PTCHD4: variants seen among roughly 807,000 people sequenced by gnomAD.
PTCHD4 encodes the protein patched domain-containing protein 4.
PTCHD4 carries 33 observed loss-of-function variants against 58.1 expected under a neutral mutation model. That is an observed-to-expected ratio of 0.57 (90% CI 0.43 to 0.76). PTCHD4 has a LOEUF of 0.76. Among genes scored for constraint, PTCHD4 ranks in the 30% least tolerant of loss-of-function variants. The probability of loss-of-function intolerance (pLI) is 0.00; values close to 1 mark genes in which losing one functional copy is unlikely to be tolerated. For synonymous variants in PTCHD4, 478 were observed against 409.6 expected (o/e 1.17, Z -2.02); for missense variants, 1,058 against 1,027.1 (o/e 1.03, Z -0.41).
rs113018727 is a variant in PTCHD4 at position 48,016,330 on chromosome 6, A to G, written c.418-7216T>C. 7.9e-5 allele frequency among the ~76,000 whole-genome samples: 12 copies of G among 152,140 alleles called. 1 individual carries two copies. The highest frequency in any genetic ancestry group is 2.7e-4 in the African/African-American group (11 of 41,408). ...AGGAGTTGGACTTAATTATCCTTCA[A>G]TACAAATCCATTGATGAGTTTTAAG... On this transcript the variant is annotated intron_variant, in intron 3 of 4. Coordinates refer to ENST00000339488, the MANE Select transcript of PTCHD4 (RefSeq NM_001384253.1).
intron 3 of PTCHD4, among the ~76,000 whole-genome samples, chr6:48,060,970 A>C (rs190287070): frequency 6.6e-6 from 1 of 152,202 alleles, no homozygotes; most frequent in Non-Finnish European, 1.5e-5. Context: ...AGAAAATGAG[A>C]CTTGATTTCA....
At position 47,987,562 on chromosome 6, in the gene PTCHD4, A is replaced by G. The variant is rs1768116240; in HGVS notation, c.898+21072T>C. Reference sequence around the variant, plus strand: ...TAAATGCTTGATAAAAAATAAACACATAGATACACTAAAGGGCCATTTCTG... The same window carrying G: ...TAAATGCTTGATAAAAAATAAACACGTAGATACACTAAAGGGCCATTTCTG... On this transcript the variant is annotated intron_variant, in intron 4 of 4. Transcript: ENST00000339488. 2.6e-5 allele frequency among the ~76,000 whole-genome samples: 4 copies of G among 152,098 alleles called. No homozygotes were observed. In the South Asian group the frequency reaches 6.2e-4, roughly 24 times the overall value.
At chr6:48,096,971 T>C (rs1199522433) in intron 1 of PTCHD4, among the ~76,000 whole-genome samples, 2 of 152,190 alleles carry the variant, frequency 1.3e-5, no homozygotes, top group African/African-American at 4.8e-5. Flanking sequence ...AAAATGACCA[T>C]AATTTTATTT....
chr6:47,985,692 G>C (rs1768041448), intron 4 of PTCHD4, among the ~76,000 whole-genome samples: 1 of 150,790 alleles, frequency 6.6e-6, no homozygotes, highest in Admixed American at 6.6e-5. Context: ...ATTTTTCACT[G>C]TTCATTTAAG....
intron 4 of PTCHD4, among the ~76,000 whole-genome samples, chr6:47,932,978 A>G (rs558959501): frequency 6.6e-6 from 1 of 152,370 alleles, no homozygotes; most frequent in African/African-American, 2.4e-5. Flanking sequence ...AAGAGAGTAT[A>G]GAATATCTAG....
In PTCHD4 at chr6:47,865,477, G is replaced by A. The variant is rs1241082026; in HGVS notation, c.*12826C>T. 6.6e-6 allele frequency among the ~76,000 whole-genome samples: 1 copy of A among 151,882 alleles called. No homozygotes were observed. Among genetic ancestry groups the A allele is most frequent in the Non-Finnish European group, 1.5e-5 (1 of 67,898 alleles). On this transcript the variant is annotated 3_prime_UTR_variant, in exon 5 of 5. Transcript: ENST00000339488. ...TTAAACTATACATTAGAGTATTGTA[G>A]TAAATAGATCACACAGAGCTAATAA...
chr6:48,078,512 C>A (rs951678254), intron 1 of PTCHD4, among the ~76,000 whole-genome samples: 1 of 152,152 alleles, frequency 6.6e-6, no homozygotes, highest in African/African-American at 2.4e-5. Context: ...AATTTTTAGT[C>A]ATTTAAATAA....
rs1763621020 is a variant in PTCHD4 at position 47,868,168 on chromosome 6, T to C, written c.*10135A>G. 2.0e-5 allele frequency among the ~76,000 whole-genome samples: 3 copies of C among 151,724 alleles called. No individual in the cohort carries two copies. The South Asian group carries it at 6.2e-4, about 31-fold the overall frequency. On this transcript the variant is annotated 3_prime_UTR_variant, in exon 5 of 5. Coordinates refer to ENST00000339488, the MANE Select transcript of PTCHD4 (RefSeq NM_001384253.1). The stretch of plus-strand genomic sequence containing the variant: ...CTTCTTCAACAGTTTTAGATCCGTT[T>C]TAAAATTTTTTCTCACTTTACCTTT...
At chr6:48,062,686 T>C (rs1284851888) in intron 3 of PTCHD4, among the ~76,000 whole-genome samples, 1 of 151,976 alleles carries the variant, frequency 6.6e-6, no homozygotes, top group Non-Finnish European at 1.5e-5. Context: ...CCAGGAAAAA[T>C]ATGTACAATA....
At chr6:47,924,720 C>T (rs923424348) in intron 4 of PTCHD4, among the ~76,000 whole-genome samples, 2 of 152,104 alleles carry the variant, frequency 1.3e-5, no homozygotes, top group African/African-American at 2.4e-5. Flanking sequence ...AGACTTTGTT[C>T]AAAACCAGTT....
At chr6:47,923,323 T>C (rs1396010130) in intron 4 of PTCHD4, among the ~76,000 whole-genome samples, 1 of 152,172 alleles carries the variant, frequency 6.6e-6, no homozygotes, top group Non-Finnish European at 1.5e-5. Flanking sequence ...TGGAAGTATA[T>C]TATATACTAT....
chr6:48,027,375 A>C (rs1763285473), intron 3 of PTCHD4, among the ~76,000 whole-genome samples: 1 of 152,108 alleles, frequency 6.6e-6, no homozygotes, highest in South Asian at 2.1e-4. Flanking sequence ...ACATCTTTTA[A>C]ATTGTCAGTA....
intron 1 of PTCHD4, among the ~76,000 whole-genome samples, chr6:48,097,139 C>T (rs1412937354): frequency 6.6e-6 from 1 of 151,936 alleles, no homozygotes; most frequent in Non-Finnish European, 1.5e-5. Flanking sequence ...CTAAATTTAG[C>T]TTCCACTTAG....
At chr6:47,976,372 T>C (rs1348347939) in intron 4 of PTCHD4, among the ~76,000 whole-genome samples, 1 of 152,108 alleles carries the variant, frequency 6.6e-6, no homozygotes, top group Non-Finnish European at 1.5e-5. Context: ...ATATAATTAC[T>C]GGCCAGGCGC....
intron 3 of PTCHD4, among the ~76,000 whole-genome samples, chr6:48,013,603 T>G (rs915656858): frequency 2.0e-5 from 3 of 152,002 alleles, no homozygotes; most frequent in African/African-American, 7.2e-5. Flanking sequence ...AAATTTCTGC[T>G]CTTTAAGTTG....
At chr6:48,082,226 AG>A (rs1765181099) in intron 1 of PTCHD4, among the ~76,000 whole-genome samples, 1 of 152,196 alleles carries the variant, frequency 6.6e-6, no homozygotes, top group Non-Finnish European at 1.5e-5. Context: ...TGAATGAAGA[AG>A]GAAGACATCA....
Position 47,879,658 on chromosome 6 carries a change from G to T in PTCHD4, c.1177C>A (p.Leu393Ile). The T allele has an allele frequency of 1.9e-6, 3 of 1,613,600 alleles. No individual in the cohort carries two copies. Among genetic ancestry groups the T allele is most frequent in the Non-Finnish European group, 2.5e-6 (3 of 1,179,714 alleles). The part of the protein sequence containing the change: ...FGSCLVFAGQ[L>I]EQNRYHSIFC... Reference sequence around the variant, plus strand: ...ATGCTGTGGTAGCGGTTTTGCTCTAGTTGGCCAGCAAAGACCAGACAGGAG... The same window carrying T: ...ATGCTGTGGTAGCGGTTTTGCTCTATTTGGCCAGCAAAGACCAGACAGGAG... Residue 393 changes from leucine (L) to isoleucine (I), a missense_variant, in exon 5 of 5, where the codon CTA becomes ATA. Coordinates refer to ENST00000339488, the MANE Select transcript of PTCHD4 (RefSeq NM_001384253.1).
At chr6:48,052,817 A>G (rs1418726759) in intron 3 of PTCHD4, among the ~76,000 whole-genome samples, 2 of 152,084 alleles carry the variant, frequency 1.3e-5, no homozygotes, top group Non-Finnish European at 2.9e-5. Flanking sequence ...TGTATACTAC[A>G]TCACTCATAT....
intron 4 of PTCHD4, among the ~76,000 whole-genome samples, chr6:48,001,462 A>G (rs1768719574): frequency 6.6e-6 from 1 of 152,238 alleles, no homozygotes; most frequent in Admixed American, 6.5e-5. Flanking sequence ...CCACATATCT[A>G]CAACCATCTG....
Sources: gnomAD v4.1 joint callset for allele counts (sites outside exome capture counted in the v4.1 genomes callset) on GRCh38, gnomAD v4.1.1 for gene constraint, MANE v1.5 for transcripts, NCBI Gene and HGNC (gene_info 2026-07-23, HGNC 2026-07-21) for gene names.